MAEA: variants seen among roughly 807,000 people sequenced by gnomAD.
MAEA encodes macrophage erythroblast attacher, E3 ubiquitin ligase, also known as E3 ubiquitin-protein transferase MAEA.
MAEA carries 22 observed loss-of-function variants against 46.2 expected under a neutral mutation model. That is an observed-to-expected ratio of 0.48 (90% confidence interval 0.34 to 0.68). The LOEUF is 0.68. Ranked by LOEUF, MAEA falls within the 30% of genes least tolerant of loss-of-function variation. MAEA has a pLI of 0.01. For missense variants in MAEA, 393 were observed against 558.1 expected (o/e 0.70, Z 2.98); for synonymous variants, 246 against 222.6 (o/e 1.11, Z -0.94).
At chr4:1,318,666 C>A (rs1474936225) in intron 3 of MAEA, among the ~76,000 whole-genome samples, 1 of 152,100 alleles carries the variant, frequency 6.6e-6, no homozygotes, top group Non-Finnish European at 1.5e-5. Context: ...CTAGGAAGCC[C>A]TGGGGAAGGT....
intron 1 of MAEA, among the ~76,000 whole-genome samples, chr4:1,300,574 C>T (rs1735215483): frequency 6.6e-6 from 1 of 152,276 alleles, no homozygotes; most frequent in Non-Finnish European, 1.5e-5. Context: ...GGGCACGGCC[C>T]CGGCTCTTCC....
intron 4 of MAEA, among the ~76,000 whole-genome samples, chr4:1,326,204 G>A (rs1003097030): frequency 2.0e-5 from 3 of 152,224 alleles, no homozygotes; most frequent in African/African-American, 7.2e-5. Flanking sequence ...GGAAGCGGAA[G>A]TGATGAGCTT....
intron 7 of MAEA, chr4:1,337,413 C>T (rs765003410): frequency 1.1e-4 from 27 of 247,952 alleles, no homozygotes; most frequent in Middle Eastern, 1.6e-3. Flanking sequence ...TGACTCTGTC[C>T]CTGCCTGTGA....
intron 8 of MAEA, 75 bp downstream of exon 8, chr4:1,338,692 CA>C (rs776206998): frequency 6.5e-6 from 9 of 1,384,078 alleles, no homozygotes; most frequent in East Asian, 2.5e-5. Context: ...ACGGGCAGGG[CA>C]GGGGGGCCAG....
At chr4:1,299,232 A>G (rs982540777) in intron 1 of MAEA, among the ~76,000 whole-genome samples, 1 of 152,080 alleles carries the variant, frequency 6.6e-6, no homozygotes, top group African/African-American at 2.4e-5. Context: ...GCCCAAACCA[A>G]TTCTACCAGT....
At chr4:1,323,655 T>C (rs1326998989) in intron 4 of MAEA, 3 of 700,218 alleles carry the variant, frequency 4.3e-6, no homozygotes, top group African/African-American at 3.5e-5. Flanking sequence ...CCACACTCCC[T>C]CCCAGAGAGC....
At position 1,332,824 on chromosome 4, in the gene MAEA, A is replaced by G; in HGVS notation, c.724A>G (p.Met242Val). 6.2e-7 allele frequency: 1 copy of G among 1,613,300 alleles called. No homozygotes were observed. The highest frequency in any genetic ancestry group is 8.5e-7 in the Non-Finnish European group (1 of 1,179,814). Residue 242 changes from methionine (M) to valine (V), a missense_variant, in exon 6 of 9, where the codon ATG becomes GTG. Transcript: ENST00000303400. The stretch of plus-strand genomic sequence containing the variant: ...GGACGAGGTGCGCCAGGCCATGGGC[A>G]TGCTGGCCTTCCCGCCCGACACGCA... The part of the protein sequence containing the change: ...QLDEVRQAMG[M>V]LAFPPDTHIS...
rs554727044 is a variant in MAEA, at chr4:1,325,176, C to T, written c.580-2451C>T. Among the ~76,000 whole-genome samples, 4 of 152,258 alleles carry T rather than the reference C, an allele frequency of 2.6e-5. No homozygotes were observed. The East Asian group carries it at 7.7e-4, about 29-fold the overall frequency. ...CTGTGCTCTAACGGGTCCCTGGGAC[C>T]AGCTGTGAGAACCTAGATGGGAAAA... On this transcript the variant is annotated intron_variant, in intron 4 of 8. Coordinates refer to ENST00000303400, the MANE Select transcript of MAEA (RefSeq NM_001017405.3).
intron 1 of MAEA, chr4:1,309,704 G>C (rs554615274): frequency 2.0e-6 from 3 of 1,527,948 alleles, no homozygotes; most frequent in Non-Finnish European, 2.6e-6. Flanking sequence ...TGAAGACACC[G>C]TGGCCCCGGT....
In MAEA at chr4:1,309,951, G is replaced by A. The variant is rs17164618; in HGVS notation, c.70-2028G>A. 16,891 of 1,262,462 alleles carry A rather than the reference G, an allele frequency of 0.013. 1,614 individuals carry two copies. In the African/African-American group the frequency reaches 0.22, roughly 16 times the overall value. 78.2% of individuals were successfully genotyped at this position (1,262,462 alleles called of 1,614,324 possible). On this transcript the variant is annotated intron_variant, in intron 1 of 8. Coordinates refer to ENST00000303400, the MANE Select transcript of MAEA (RefSeq NM_001017405.3). ...TAGAACTTGAATGCAGCTAAGGGAC[G>A]TCCAGAGAGGCCTTTCCTTTTCTGG...
At chr4:1,336,370 G>A (rs1006485260) in intron 6 of MAEA, among the ~76,000 whole-genome samples, 1 of 151,828 alleles carries the variant, frequency 6.6e-6, no homozygotes, top group African/African-American at 2.4e-5. Context: ...CCGACAGTGT[G>A]TTGAAATCAG....
chr4:1,301,958 A>G (rs1184727119), intron 1 of MAEA, among the ~76,000 whole-genome samples: 1 of 144,586 alleles, frequency 6.9e-6, no homozygotes, highest in Non-Finnish European at 1.5e-5. Flanking sequence ...AACTCTTCTA[A>G]AAACAGTTAA....
At chr4:1,329,866 C>A (rs897215005) in intron 5 of MAEA, 1 of 985,462 alleles carries the variant, frequency 1.0e-6, no homozygotes, top group African/African-American at 1.7e-5. Flanking sequence ...GGCCCTCTCA[C>A]CTGCTGCCAG....
At chr4:1,303,331 G>A (rs1735513517) in intron 1 of MAEA, among the ~76,000 whole-genome samples, 1 of 149,034 alleles carries the variant, frequency 6.7e-6, no homozygotes. Flanking sequence ...AAACCGGGGA[G>A]GCAGAGGTTA....
chr4:1,320,642 A>C (rs4974599), intron 3 of MAEA, among the ~76,000 whole-genome samples: 90,288 of 144,418 alleles, frequency 0.63, 27,579 homozygotes, highest in East Asian at 0.74. Context: ...GAAAAGAAAT[A>C]ATCAAAGCAA....
chr4:1,301,662 C>G (rs1735330844), intron 1 of MAEA, among the ~76,000 whole-genome samples: 1 of 152,204 alleles, frequency 6.6e-6, no homozygotes. Context: ...GATTGTGTCC[C>G]TGCACTCCAG....
intron 3 of MAEA, 114 bp downstream of exon 3, chr4:1,315,714 C>A: frequency 3.6e-6 from 3 of 837,776 alleles, no homozygotes; most frequent in Admixed American, 4.7e-5. Context: ...GTGTTCCCCT[C>A]CCCCCACCCC....
chr4:1,334,233 C>G (rs1044431200), intron 6 of MAEA, among the ~76,000 whole-genome samples: 1 of 145,954 alleles, frequency 6.9e-6, no homozygotes, highest in Admixed American at 6.8e-5. Flanking sequence ...CAGATAAAAC[C>G]TCCTGGAGTT....
chr4:1,309,805 G>A, intron 1 of MAEA: 3 of 1,398,240 alleles, frequency 2.1e-6, no homozygotes, highest in Non-Finnish European at 2.8e-6. Context: ...GGAGCAAAGG[G>A]TTCCTGTCTG....
Sources: allele counts gnomAD v4.1 joint callset (sites outside exome capture counted in the v4.1 genomes callset), GRCh38; gene constraint gnomAD v4.1.1; transcripts MANE v1.5; gene names NCBI Gene and HGNC (gene_info 2026-07-23, HGNC 2026-07-21).